Variants in COMMD6 observed in about 807,000 individuals in gnomAD.
COMMD6 encodes the protein COMM domain-containing protein 6.
Under a neutral mutation model 13.4 loss-of-function variants are expected in COMMD6, and 11 were observed. The ratio of observed to expected loss-of-function variants is 0.82; its 90% CI spans 0.52 to 1.36. The LOEUF (loss-of-function observed/expected upper bound fraction) is 1.36, where lower values mean the gene tolerates loss of function less well. Among genes scored for constraint, COMMD6 ranks in the 40% most tolerant of loss-of-function variants. COMMD6 has a pLI of 0.00. For synonymous variants in COMMD6, 43 were observed against 36.5 expected, an observed-to-expected ratio of 1.18 and a Z score of -0.64; for missense variants, 124 against 102.4, an observed-to-expected ratio of 1.21 and a Z score of -0.91.
chr13:75,546,215 T>A (rs902053280), intron 1 of COMMD6, among the ~76,000 whole-genome samples: 1 of 152,226 alleles, frequency 6.6e-6, no homozygotes, highest in Non-Finnish European at 1.5e-5. Context: ...AACAAAAAGT[T>A]ACTGGGTATG....
chr13:75,541,752 A>G (rs950052507), upstream of COMMD6, among the ~76,000 whole-genome samples: 2 of 152,056 alleles, frequency 1.3e-5, no homozygotes, highest in African/African-American at 4.8e-5. Flanking sequence ...ATAAATGTGC[A>G]CTCAACATAT....
intron 1 of COMMD6, among the ~76,000 whole-genome samples, chr13:75,546,000 T>C (rs2030899978): frequency 6.6e-6 from 1 of 152,204 alleles, no homozygotes; most frequent in South Asian, 2.1e-4. Context: ...ATTGGAGTGT[T>C]TGTAACTCAA....
chr13:75,529,265 A>C (rs1364338277), intron 3 of COMMD6, among the ~76,000 whole-genome samples: 2 of 152,190 alleles, frequency 1.3e-5, no homozygotes, highest in African/African-American at 4.8e-5. Flanking sequence ...TCACGCCTGT[A>C]ATCCTGGCAC....
intron 1 of COMMD6, among the ~76,000 whole-genome samples, chr13:75,548,173 G>A (rs558530973): frequency 1.3e-5 from 2 of 152,364 alleles, no homozygotes; most frequent in East Asian, 3.9e-4. Context: ...CCCCTGGCAT[G>A]CACTGAGTCC....
At chr13:75,536,680 A>T (rs1566199741) in intron 2 of COMMD6, among the ~76,000 whole-genome samples, 1 of 152,222 alleles carries the variant, frequency 6.6e-6, no homozygotes, top group African/African-American at 2.4e-5. Context: ...CCTCAGAAGG[A>T]ACAAAGCCCT....
intron 2 of COMMD6, among the ~76,000 whole-genome samples, chr13:75,535,652 C>T (rs974378185): frequency 1.3e-5 from 2 of 152,164 alleles, no homozygotes; most frequent in African/African-American, 4.8e-5. Flanking sequence ...TCTCTGTATT[C>T]GCAGTCTGTC....
intron 2 of COMMD6, among the ~76,000 whole-genome samples, chr13:75,532,422 G>A (rs2030511653): frequency 6.6e-6 from 1 of 152,192 alleles, no homozygotes; most frequent in Admixed American, 6.5e-5. Flanking sequence ...TGAGGAAAAT[G>A]TGTTTTATTT....
At chr13:75,545,132 A>C (rs892272926) in intron 1 of COMMD6, among the ~76,000 whole-genome samples, 1 of 152,238 alleles carries the variant, frequency 6.6e-6, no homozygotes, top group African/African-American at 2.4e-5. Context: ...TACAACATAC[A>C]TTCAAGGCAG....
At position 75,525,222 on chromosome 13, in the gene COMMD6, A is replaced by C. The variant is rs1446565916; in HGVS notation, c.*1367T>G. On this transcript the variant is annotated 3_prime_UTR_variant, in exon 4 of 4. Coordinates refer to ENST00000682242, the MANE Select transcript of COMMD6 (RefSeq NM_203495.4). ...TTTTAAATTCAAAAGACAAACATGC[A>C]ATTTAAATTTATTTCAAATCTGCTA... 1.3e-5 allele frequency: 2 copies of C among 152,210 alleles called. No homozygotes were observed. The highest frequency in any genetic ancestry group is 1.3e-4 in the Admixed American group (2 of 15,288). 9.4% of individuals were successfully genotyped at this position (152,210 alleles called of 1,614,324 possible).
intron 2 of COMMD6, among the ~76,000 whole-genome samples, chr13:75,533,031 C>T (rs9543962): frequency 0.1 from 15,656 of 151,012 alleles, 1,103 homozygotes; most frequent in Non-Finnish European, 0.16. Flanking sequence ...CCCGGGTTCA[C>T]GCCATTCTCC....
Position 75,526,453 on chromosome 13 carries a change from TTTA to T in COMMD6, c.*133_*135del. ...CTACCCAGTTCCTGTTTGTCTGATT[TTTA>T]TTATTTAAAAAAATGGAAAAACAAA... On this transcript the variant is annotated 3_prime_UTR_variant, in exon 4 of 4. Coordinates refer to ENST00000682242, the MANE Select transcript of COMMD6 (RefSeq NM_203495.4). 1 of 658,356 alleles carries T rather than the reference TTTA, an allele frequency of 1.5e-6. No individual in the cohort carries two copies. 40.8% of individuals were successfully genotyped at this position (658,356 alleles called of 1,614,324 possible). A position where few individuals can be genotyped will look rare whatever the true frequency, so the allele number is the denominator to read the frequency against.
At position 75,526,606 on chromosome 13, in the gene COMMD6, C is replaced by T; in HGVS notation, c.241G>A (p.Val81Ile). 1 of 1,606,946 alleles carries T rather than the reference C, an allele frequency of 6.2e-7. No homozygotes were observed. ...FYRQFKEIAA[V>I]IETV ...ATCCGTCTTCACACCGTTTCAATAA[C>T]TGCAGCAATTTCCTTGAACTGTCTG... Residue 81 changes from valine to isoleucine, a missense_variant, in exon 4 of 4, where the codon GTT becomes ATT. Val to Ile is a conservative substitution (Grantham distance 29). Transcript: ENST00000682242.
At chr13:75,530,418 CAAT>C in intron 2 of COMMD6, 152 bp from the exon 3 acceptor site, 1 of 497,660 alleles carries the variant, frequency 2.0e-6, no homozygotes, top group Non-Finnish European at 3.5e-6. Flanking sequence ...GCTAGAGGAA[CAAT>C]AATCAAATGA....
Position 75,545,195 on chromosome 13 carries a change from A to G in COMMD6, n.106+4128T>C, listed in dbSNP as rs567116893. Reference sequence around the variant, plus strand: ...AAGGAAGCTGGACATACTGCTATTAAGATAAGTAATATAAGATGGTGAGTA... The same window carrying G: ...AAGGAAGCTGGACATACTGCTATTAGGATAAGTAATATAAGATGGTGAGTA... On this transcript the variant is annotated intron_variant and non_coding_transcript_variant, in intron 1 of 2. Transcript: ENST00000460675. Among the ~76,000 whole-genome samples the G allele has an allele frequency of 2.6e-5, 4 of 152,356 alleles. No individual in the cohort carries two copies. The East Asian group carries it at 7.7e-4, about 29-fold the overall frequency.
chr13:75,547,797 A>G (rs2030929840), intron 1 of COMMD6, among the ~76,000 whole-genome samples: 1 of 152,250 alleles, frequency 6.6e-6, no homozygotes, highest in South Asian at 2.1e-4. Context: ...AAGGTGAAAG[A>G]CAAGTTATTG....
chr13:75,548,557 T>A (rs2030957135), intron 1 of COMMD6, among the ~76,000 whole-genome samples: 1 of 152,242 alleles, frequency 6.6e-6, no homozygotes, highest in Admixed American at 6.5e-5. Context: ...GCATCATCCC[T>A]TAAAACAGAA....
chr13:75,531,383 TA>T (rs2030474276), intron 2 of COMMD6, among the ~76,000 whole-genome samples: 1 of 152,184 alleles, frequency 6.6e-6, no homozygotes, highest in African/African-American at 2.4e-5. Context: ...GGGTATGGAA[TA>T]GGGGAAGGCA....
rs149161252 is a variant in COMMD6 at position 75,526,660 on chromosome 13, T to C, written c.208-21A>G. The C allele has an allele frequency of 1.9e-6, 3 of 1,560,998 alleles. No individual in the cohort carries two copies. In the African/African-American group the frequency reaches 4.1e-5, roughly 21 times the overall value. Reference sequence around the variant, plus strand: ...AAATTCTGGAGAGAAAGGGGGAAAATAATATTAATTTTGCTTTTAGAAGAT... The same window carrying C: ...AAATTCTGGAGAGAAAGGGGGAAAACAATATTAATTTTGCTTTTAGAAGAT... On this transcript the variant is annotated intron_variant, in intron 3 of 3. Transcript: ENST00000682242.
chr13:75,542,105 C>G (rs577268615), upstream of COMMD6, among the ~76,000 whole-genome samples: 1 of 152,174 alleles, frequency 6.6e-6, no homozygotes, highest in Non-Finnish European at 1.5e-5. Flanking sequence ...ATTAGCTGGA[C>G]AGGCAGTTGC....
Sources: allele counts gnomAD v4.1 joint callset (sites outside exome capture counted in the v4.1 genomes callset), GRCh38; gene constraint gnomAD v4.1.1; transcripts MANE v1.5; gene names NCBI Gene and HGNC (gene_info 2026-07-23, HGNC 2026-07-21).